INHBC: variants seen among roughly 807,000 people sequenced by gnomAD.
INHBC encodes the protein inhibin subunit beta C.
Under a neutral mutation model 12.4 loss-of-function variants are expected in INHBC, and 10 were observed. The observed-to-expected ratio is 0.81, with a 90% CI of 0.50 to 1.37. The LOEUF (loss-of-function observed/expected upper bound fraction) is 1.37. INHBC is among the 40% of genes most tolerant of loss of function. The pLI is 0.00. For missense variants in INHBC, 382 were observed against 439.4 expected (o/e 0.87, Z 1.17); for synonymous variants, 147 against 171.6 (o/e 0.86, Z 1.12).
chr12:57,450,114 C>T lies in INHBC; in HGVS notation c.*92C>T, dbSNP rs1416798843. ...TGAGAGGAGGGAATGACCTCATTCTCTGTCCAGAATGTGGACTCCCTCTTC... is the reference window on the plus strand; with the variant it reads ...TGAGAGGAGGGAATGACCTCATTCTTTGTCCAGAATGTGGACTCCCTCTTC... On this transcript the variant is annotated 3_prime_UTR_variant, in exon 2 of 2. Transcript: ENST00000309668. The T allele has an allele frequency of 7.4e-7, 1 of 1,350,126 alleles. No individual in the cohort carries two copies. The highest frequency in any genetic ancestry group is 1.5e-5 in the African/African-American group (1 of 68,590). 83.6% of individuals were successfully genotyped at this position (1,350,126 alleles called of 1,614,324 possible). A position where few individuals can be genotyped will look rare whatever the true frequency, so the allele number is the denominator to read the frequency against.
At position 57,451,844 on chromosome 12, in the gene INHBC, T is replaced by C. The variant is rs1163626934; in HGVS notation, c.*1822T>C. On this transcript the variant is annotated 3_prime_UTR_variant, in exon 2 of 2. Transcript: ENST00000309668. ...CCCCCACACATCCCCGACCCCCAGATCTAACCTCCTTCCCAATTACAGCTT... is the reference window on the plus strand; with the variant it reads ...CCCCCACACATCCCCGACCCCCAGACCTAACCTCCTTCCCAATTACAGCTT... The C allele has an allele frequency of 2.2e-6, 1 of 455,548 alleles. No individual in the cohort carries two copies. The highest frequency in any genetic ancestry group is 4.4e-6 in the Non-Finnish European group (1 of 226,720). 28.2% of individuals were successfully genotyped at this position (455,548 alleles called of 1,614,324 possible). A position where few individuals can be genotyped will look rare whatever the true frequency, so the allele number is the denominator to read the frequency against.
intron 1 of INHBC, among the ~76,000 whole-genome samples, chr12:57,441,889 CA>C (rs1484658503): frequency 1.3e-5 from 2 of 152,102 alleles, no homozygotes; most frequent in Non-Finnish European, 2.9e-5. Flanking sequence ...CCATGTTGGA[CA>C]GGCTGGTCTT....
chr12:57,447,900 T>A (rs1436746141), intron 1 of INHBC, among the ~76,000 whole-genome samples: 58 of 78,458 alleles, frequency 7.4e-4, no homozygotes, highest in East Asian at 1.1e-3. Context: ...AAAATATATA[T>A]ATATATATAT....
chr12:57,441,354 CAAA>C (rs1171735520), intron 1 of INHBC, among the ~76,000 whole-genome samples: 27 of 33,922 alleles, frequency 8.0e-4, no homozygotes, highest in South Asian at 6.8e-3. Flanking sequence ...AATTCCATCT[CAAA>C]AAAAAAAAAA....
intron 1 of INHBC, among the ~76,000 whole-genome samples, chr12:57,441,076 G>A (rs1434231558): frequency 6.6e-6 from 1 of 151,950 alleles, no homozygotes; most frequent in Non-Finnish European, 1.5e-5. Context: ...ACAAAAAGCC[G>A]GGTGCTGTGG....
chr12:57,447,966 A>ACATATATACATATATATACACACATG (rs1458607893), intron 1 of INHBC, among the ~76,000 whole-genome samples: 1 of 140,724 alleles, frequency 7.1e-6, no homozygotes, highest in African/African-American at 2.6e-5. Flanking sequence ...ATGTATGCAT[A>ACATATATACATATATATACACACATG]CATATATACA....
chr12:57,445,721 C>CT lies in INHBC; in HGVS notation c.314-3556_314-3555insT, dbSNP rs781591781. On this transcript the variant is annotated intron_variant, in intron 1 of 1. Transcript: ENST00000309668. ...CTGGGTAACATAGTGAGACCCCCCGCCCATCTCCATGTAAATTTTTTTTTT... is the reference window on the plus strand; with the variant it reads ...CTGGGTAACATAGTGAGACCCCCCGCTCCATCTCCATGTAAATTTTTTTTTT... Among the ~76,000 whole-genome samples, 4 of 141,464 alleles carry CT rather than the reference C, an allele frequency of 2.8e-5. 1 individual carries two copies. The East Asian group carries it at 8.6e-4, about 31-fold the overall frequency. The allele number at this position is 141,464 out of a possible 152,430, so 92.8% of individuals were successfully genotyped here. A position where few individuals can be genotyped will look rare whatever the true frequency, so the allele number is the denominator to read the frequency against.
chr12:57,435,235 G>C, intron 1 of INHBC, 36 bp downstream of exon 1: 1 of 1,564,410 alleles, frequency 6.4e-7, no homozygotes, highest in Non-Finnish European at 8.7e-7. Context: ...CCCAGAACTT[G>C]ACCCCTCAAG....
chr12:57,441,482 G>A (rs925233932), intron 1 of INHBC, among the ~76,000 whole-genome samples: 10 of 145,192 alleles, frequency 6.9e-5, no homozygotes, highest in East Asian at 2.0e-4. Flanking sequence ...CCAAGATCAC[G>A]TCATTGCACT....
intron 1 of INHBC, among the ~76,000 whole-genome samples, chr12:57,440,216 T>G (rs1327234918): frequency 2.0e-4 from 31 of 152,316 alleles, no homozygotes. Flanking sequence ...TAAAAGGTTT[T>G]GTTTTGTTTT....
chr12:57,450,333 A>G lies in INHBC; in HGVS notation c.*311A>G. On this transcript the variant is annotated 3_prime_UTR_variant, in exon 2 of 2. Transcript: ENST00000309668. ...AGCAATGCCATCTGGTTCCCAGGCA[A>G]AGACACCCTTAGCTCACCTTTAATA... 1 of 241,646 alleles carries G rather than the reference A, an allele frequency of 4.1e-6. No individual in the cohort carries two copies. The highest frequency in any genetic ancestry group is 7.9e-5 in the East Asian group (1 of 12,686). The allele number at this position is 241,646 out of a possible 1,614,324, so 15.0% of individuals were successfully genotyped here.
chr12:57,442,991 C>CA (rs1279356405), intron 1 of INHBC, among the ~76,000 whole-genome samples: 3,259 of 62,038 alleles, frequency 0.053, 128 homozygotes, highest in East Asian at 0.32. Flanking sequence ...GACTCCGTCT[C>CA]AAAAAAAAAA....
rs903018455 is a variant in INHBC, at chr12:57,451,443, A to C, written c.*1421A>C. Among the ~76,000 whole-genome samples the C allele has an allele frequency of 3.3e-5, 5 of 152,178 alleles. No individual in the cohort carries two copies. Among genetic ancestry groups the C allele is most frequent in the African/African-American group, 1.2e-4 (5 of 41,436 alleles). The stretch of plus-strand genomic sequence containing the variant: ...GGACAGGGAGAAGAGGAAGGCCTGG[A>C]TGAGGAGAGGGTGGCATTTGCTCTG... On this transcript the variant is annotated 3_prime_UTR_variant, in exon 2 of 2. Coordinates refer to ENST00000309668, the MANE Select transcript of INHBC (RefSeq NM_005538.4).
chr12:57,442,100 G>C (rs191853806), intron 1 of INHBC, among the ~76,000 whole-genome samples: 1 of 152,192 alleles, frequency 6.6e-6, no homozygotes, highest in East Asian at 1.9e-4. Context: ...GAACATATAA[G>C]ATGGTCTCTA....
At chr12:57,446,804 T>C (rs1262607550) in intron 1 of INHBC, among the ~76,000 whole-genome samples, 2 of 151,962 alleles carry the variant, frequency 1.3e-5, no homozygotes, top group East Asian at 3.9e-4. Flanking sequence ...CTGGCCTGAC[T>C]TCCAACATTT....
At chr12:57,439,049 G>A (rs764938186) in intron 1 of INHBC, among the ~76,000 whole-genome samples, 1 of 152,176 alleles carries the variant, frequency 6.6e-6, no homozygotes, top group Admixed American at 6.6e-5. Flanking sequence ...CATGGTGGGC[G>A]AATTTGTAGT....
At chr12:57,448,872 TA>T (rs1272665762) in intron 1 of INHBC, among the ~76,000 whole-genome samples, 1 of 152,186 alleles carries the variant, frequency 6.6e-6, no homozygotes, top group Non-Finnish European at 1.5e-5. Flanking sequence ...TGAGCAGAAA[TA>T]TATTAACTCA....
rs1870714901 is a variant in INHBC, at chr12:57,451,653, A to G, written c.*1631A>G. On this transcript the variant is annotated 3_prime_UTR_variant, in exon 2 of 2. Coordinates refer to ENST00000309668, the MANE Select transcript of INHBC (RefSeq NM_005538.4). Reference sequence around the variant, plus strand: ...TTTATGACCCCCTCCTATGAGGGTAAGAGGTCCCTGAAATAGGAACCCTAG... The same window carrying G: ...TTTATGACCCCCTCCTATGAGGGTAGGAGGTCCCTGAAATAGGAACCCTAG... Among the ~76,000 whole-genome samples, 1 of 152,198 alleles carries G rather than the reference A, an allele frequency of 6.6e-6. No individual in the cohort carries two copies. Among genetic ancestry groups the G allele is most frequent in the Non-Finnish European group, 1.5e-5 (1 of 68,040 alleles).
chr12:57,441,669 A>G (rs1310566752), intron 1 of INHBC, among the ~76,000 whole-genome samples: 2 of 142,196 alleles, frequency 1.4e-5, no homozygotes, highest in African/African-American at 2.6e-5. Context: ...CAACACATTC[A>G]TTATTTCTCA....
Sources: allele counts gnomAD v4.1 joint callset (sites outside exome capture counted in the v4.1 genomes callset), GRCh38; gene constraint gnomAD v4.1.1; transcripts MANE v1.5; gene names NCBI Gene and HGNC (gene_info 2026-07-23, HGNC 2026-07-21).